Variants in CNTNAP2 observed in about 807,000 individuals in gnomAD.
The protein encoded by CNTNAP2 is contactin associated protein 2, also known as contactin-associated protein-like 2.
Under a neutral mutation model 155.2 loss-of-function variants are expected in CNTNAP2, and 98 were observed. The ratio of observed to expected loss-of-function variants is 0.63; its 90% CI spans 0.54 to 0.75. The LOEUF is 0.75. Among genes scored for constraint, CNTNAP2 ranks in the 30% least tolerant of loss-of-function variants. The probability of loss-of-function intolerance (pLI) is 0.00; values close to 1 mark genes in which losing one functional copy is unlikely to be tolerated. For missense variants in CNTNAP2, 1,727 were observed against 1,688.1 expected (o/e 1.02, Z -0.40); for synonymous variants, 651 against 631.2 (o/e 1.03, Z -0.47).
chr7:146,346,064 A>G (rs1794814142), intron 1 of CNTNAP2, among the ~76,000 whole-genome samples: 1 of 152,208 alleles, frequency 6.6e-6, no homozygotes, highest in South Asian at 2.1e-4. Context: ...TGGGGGAAAC[A>G]TTAATGCAAG....
At chr7:148,267,159 G>A (rs766037586) in intron 21 of CNTNAP2, 33 bp downstream of exon 21, 57 of 1,539,400 alleles carry the variant, frequency 3.7e-5, no homozygotes, top group Non-Finnish European at 4.8e-5. Flanking sequence ...ATAAATGCGT[G>A]CTACAAATAC....
chr7:147,985,239 C>T (rs1051690634), intron 15 of CNTNAP2, among the ~76,000 whole-genome samples: 13 of 151,860 alleles, frequency 8.6e-5, no homozygotes, highest in African/African-American at 3.1e-4. Context: ...CTCCCATAAT[C>T]TATTTTTCCA....
intron 1 of CNTNAP2, among the ~76,000 whole-genome samples, chr7:146,558,634 C>T (rs1362599386): frequency 6.6e-6 from 1 of 152,020 alleles, no homozygotes; most frequent in Admixed American, 6.6e-5. Context: ...ATAAGAGGTA[C>T]ATTCTTAGCA....
chr7:147,848,732 A>G (rs969558857), intron 13 of CNTNAP2, among the ~76,000 whole-genome samples: 8 of 152,174 alleles, frequency 5.3e-5, no homozygotes, highest in Non-Finnish European at 1.0e-4. Context: ...AAAAATAACT[A>G]AATATTTAAT....
chr7:146,445,304 T>C (rs771785390), intron 1 of CNTNAP2, among the ~76,000 whole-genome samples: 1 of 152,224 alleles, frequency 6.6e-6, no homozygotes, highest in Admixed American at 6.5e-5. Context: ...ATTGAGTAGC[T>C]GTTGTGTACA....
chr7:147,692,047 A>C (rs1796094717), intron 13 of CNTNAP2, among the ~76,000 whole-genome samples: 1 of 152,174 alleles, frequency 6.6e-6, no homozygotes, highest in African/African-American at 2.4e-5. Context: ...TCTGACAACT[A>C]TTGATCTTTT....
At chr7:148,261,321 C>T (rs1051773435) in intron 20 of CNTNAP2, among the ~76,000 whole-genome samples, 3 of 152,062 alleles carry the variant, frequency 2.0e-5, no homozygotes, top group Admixed American at 1.3e-4. Context: ...CCACCATGCC[C>T]GGCTAATTTT....
chr7:147,899,825 C>T (rs545193804), intron 13 of CNTNAP2, among the ~76,000 whole-genome samples: 1 of 151,758 alleles, frequency 6.6e-6, no homozygotes, highest in East Asian at 2.0e-4. Flanking sequence ...GCAGCGGTTA[C>T]AGTGAGCCGA....
chr7:147,451,328 C>T (rs1528532), intron 10 of CNTNAP2, among the ~76,000 whole-genome samples: 18,850 of 152,154 alleles, frequency 0.12, 1,434 homozygotes, highest in East Asian at 0.32. Context: ...AAAAGAACCA[C>T]ATTTTCTATT....
Position 147,512,067 on chromosome 7 carries a change from C to T in CNTNAP2, c.1777+26026C>T, listed in dbSNP as rs578247041. On this transcript the variant is annotated intron_variant, in intron 11 of 23. Transcript: ENST00000361727. ...GTCTTAGTAAGATACAAACTGGACA[C>T]ATTTTTGAGAGAAGAAATAATAGGA... Among the ~76,000 whole-genome samples the T allele has an allele frequency of 2.0e-4, 31 of 152,302 alleles. No individual in the cohort carries two copies. In the South Asian group the frequency reaches 5.8e-3, roughly 28 times the overall value.
rs545012832 is a variant in CNTNAP2, at chr7:147,986,038, G to A, written c.2383+8049G>A. 3.9e-5 allele frequency among the ~76,000 whole-genome samples: 6 copies of A among 152,140 alleles called. No homozygotes were observed. In the South Asian group the frequency reaches 1.2e-3, roughly 32 times the overall value. ...TTGCCTCTGCCTTTTCTTTTTTAAA[G>A]TTTTCATTACACTGTGTACTGATTT... is the stretch of plus-strand genomic sequence containing the variant. On this transcript the variant is annotated intron_variant, in intron 15 of 23. Transcript: ENST00000361727.
At chr7:146,550,982 G>T (rs1423047122) in intron 1 of CNTNAP2, among the ~76,000 whole-genome samples, 1 of 152,018 alleles carries the variant, frequency 6.6e-6, no homozygotes, top group Non-Finnish European at 1.5e-5. Context: ...ATGTTGACAG[G>T]CATGATTGCG....
At chr7:147,082,576 T>G (rs1800158585) in intron 4 of CNTNAP2, 1 of 152,212 alleles carries the variant, frequency 6.6e-6, no homozygotes, top group Admixed American at 6.5e-5. Context: ...GTCTCTGCCG[T>G]GCGATTTACT....
At chr7:147,719,133 T>C (rs1796526285) in intron 13 of CNTNAP2, among the ~76,000 whole-genome samples, 2 of 152,106 alleles carry the variant, frequency 1.3e-5, no homozygotes, top group Admixed American at 6.6e-5. Context: ...TACTAATGGG[T>C]GCTCTTGCCT....
At chr7:146,426,412 C>T (rs1796091609) in intron 1 of CNTNAP2, among the ~76,000 whole-genome samples, 1 of 147,884 alleles carries the variant, frequency 6.8e-6, no homozygotes, top group East Asian at 2.0e-4. Flanking sequence ...TATATATACA[C>T]ACACACACAT....
At chr7:147,702,805 A>G (rs938417459) in intron 13 of CNTNAP2, among the ~76,000 whole-genome samples, 5 of 152,074 alleles carry the variant, frequency 3.3e-5, no homozygotes, top group African/African-American at 9.7e-5. Context: ...GTGCTGTTGT[A>G]ATGCTCTGCT....
chr7:147,466,782 G>A (rs4604347), intron 10 of CNTNAP2, among the ~76,000 whole-genome samples: 23,712 of 152,092 alleles, frequency 0.16, 2,264 homozygotes, highest in East Asian at 0.36. Flanking sequence ...GCTGGGCATG[G>A]TGGCGGGTGC....
chr7:147,661,940 A>G (rs1216339047), intron 13 of CNTNAP2, among the ~76,000 whole-genome samples: 1 of 152,156 alleles, frequency 6.6e-6, no homozygotes, highest in Non-Finnish European at 1.5e-5. Context: ...GATTGCAGTC[A>G]TCAAAGCCAT....
chr7:148,328,388 T>C (rs1458258467), intron 21 of CNTNAP2, among the ~76,000 whole-genome samples: 1 of 152,170 alleles, frequency 6.6e-6, no homozygotes, highest in Admixed American at 6.5e-5. Flanking sequence ...TTAGGGAATC[T>C]GGTATCAATT....
Sources: allele counts gnomAD v4.1 joint callset (sites outside exome capture counted in the v4.1 genomes callset), GRCh38; gene constraint gnomAD v4.1.1; transcripts MANE v1.5; gene names NCBI Gene and HGNC (gene_info 2026-07-23, HGNC 2026-07-21).